Variants in GPM6A observed in about 807,000 individuals in gnomAD.
GPM6A encodes neuronal membrane glycoprotein M6-a.
GPM6A carries 7 observed loss-of-function variants against 32.1 expected under a neutral mutation model. The observed-to-expected ratio is 0.22, with a 90% CI of 0.12 to 0.41. GPM6A has a LOEUF of 0.41. Among genes scored for constraint, GPM6A ranks in the 10% least tolerant of loss-of-function variants. GPM6A has a pLI of 1.00. For synonymous variants in GPM6A, 130 were observed against 123.4 expected, an observed-to-expected ratio of 1.05 and a Z score of -0.35; for missense variants, 235 against 347.2, an observed-to-expected ratio of 0.68 and a Z score of 2.57.
intron 3 of GPM6A, among the ~76,000 whole-genome samples, chr4:175,666,894 A>G (rs1480320805): frequency 6.6e-6 from 1 of 152,196 alleles, no homozygotes; most frequent in Non-Finnish European, 1.5e-5. Flanking sequence ...TTTATTGCAA[A>G]ATTTGATTGA....
chr4:175,644,374 A>G (rs1023230144), intron 4 of GPM6A, among the ~76,000 whole-genome samples: 3 of 151,836 alleles, frequency 2.0e-5, no homozygotes, highest in African/African-American at 7.3e-5. Context: ...GCAGGCCCAT[A>G]TGGATGTACC....
Position 175,651,818 on chromosome 4 carries a change from T to C in GPM6A, c.541+16A>G. The C allele has an allele frequency of 6.2e-7, 1 of 1,604,182 alleles. No individual in the cohort carries two copies. Among genetic ancestry groups the C allele is most frequent in the Non-Finnish European group, 8.5e-7 (1 of 1,172,914 alleles). On this transcript the variant is annotated intron_variant, in intron 4 of 6. Coordinates refer to ENST00000393658, the MANE Select transcript of GPM6A (RefSeq NM_201591.3). ...GGGATGGTGTTTTACAGTTTAGAGATCCAATATCCACTTACCAAACTGACG... is the reference window on the plus strand; with the variant it reads ...GGGATGGTGTTTTACAGTTTAGAGACCCAATATCCACTTACCAAACTGACG...
intron 1 of GPM6A, among the ~76,000 whole-genome samples, chr4:175,778,627 C>CAAAAAAAAAAAAA (rs34286041): frequency 2.8e-4 from 21 of 75,204 alleles, no homozygotes; most frequent in Non-Finnish European, 3.6e-4. Context: ...CTGTATCCAA[C>CAAAAAAAAAAAAA]AAAAAAAAAA....
chr4:175,711,881 G>C (rs1745574745), intron 1 of GPM6A, among the ~76,000 whole-genome samples: 2 of 152,000 alleles, frequency 1.3e-5, no homozygotes, highest in Admixed American at 1.3e-4. Context: ...ATATGTGTCT[G>C]CAAGCCTAAT....
chr4:175,730,901 G>A (rs1214602424), intron 1 of GPM6A, among the ~76,000 whole-genome samples: 1 of 151,988 alleles, frequency 6.6e-6, no homozygotes, highest in African/African-American at 2.4e-5. Flanking sequence ...GCTTTAACTT[G>A]GGTCAAAAGA....
intron 1 of GPM6A, among the ~76,000 whole-genome samples, chr4:175,919,876 A>T (rs924893561): frequency 6.6e-6 from 1 of 152,158 alleles, no homozygotes; most frequent in African/African-American, 2.4e-5. Context: ...TAGCCCCCCA[A>T]ATTTCCTCAT....
chr4:175,674,292 C>G (rs1003851418), intron 2 of GPM6A, among the ~76,000 whole-genome samples: 9 of 152,148 alleles, frequency 5.9e-5, no homozygotes, highest in African/African-American at 1.9e-4. Context: ...ATTCTCCTGC[C>G]TCAGCCTCCC....
intron 1 of GPM6A, among the ~76,000 whole-genome samples, chr4:175,778,122 A>AAC (rs1475123512): frequency 1.3e-5 from 2 of 152,158 alleles, no homozygotes; most frequent in African/African-American, 4.8e-5. Flanking sequence ...ACCAGAGTAG[A>AAC]ACTTGAAGAC....
chr4:175,812,846 T>A, upstream of GPM6A: 3 of 985,350 alleles, frequency 3.0e-6, no homozygotes, highest in Non-Finnish European at 3.6e-6. Flanking sequence ...TCCTTTTCTC[T>A]CCTCACTAAG....
intron 1 of GPM6A, chr4:175,805,863 C>T (rs185404505): frequency 1.7e-4 from 26 of 152,170 alleles, no homozygotes; most frequent in Admixed American, 1.2e-3. Context: ...GTTATATTTC[C>T]CACTCACAAT....
chr4:175,689,349 T>G (rs1744165541), intron 2 of GPM6A, among the ~76,000 whole-genome samples: 1 of 152,250 alleles, frequency 6.6e-6, no homozygotes, highest in South Asian at 2.1e-4. Flanking sequence ...ATGGGAAGTC[T>G]TTCCATCTAT....
chr4:175,656,436 T>G (rs1742089083), intron 3 of GPM6A, among the ~76,000 whole-genome samples: 1 of 152,256 alleles, frequency 6.6e-6, no homozygotes, highest in East Asian at 1.9e-4. Flanking sequence ...TGTTAGCATT[T>G]GATTCAACAA....
chr4:175,764,323 C>G (rs763520583), intron 1 of GPM6A, among the ~76,000 whole-genome samples: 4 of 152,104 alleles, frequency 2.6e-5, no homozygotes, highest in Non-Finnish European at 4.4e-5. Context: ...AAGATTTATC[C>G]ATGTTGTAGC....
intron 1 of GPM6A, among the ~76,000 whole-genome samples, chr4:175,934,210 T>A (rs564057430): frequency 6.6e-6 from 1 of 152,222 alleles, no homozygotes; most frequent in East Asian, 1.9e-4. Flanking sequence ...TTGCATTCCA[T>A]TGTGGGTAAA....
chr4:175,827,967 T>A (rs1293187890), intron 1 of GPM6A, among the ~76,000 whole-genome samples: 1 of 152,316 alleles, frequency 6.6e-6, no homozygotes, highest in Middle Eastern at 3.4e-3. Flanking sequence ...AGGCCTCAGA[T>A]CATGAAATAT....
chr4:175,679,759 T>C (rs1284438829), intron 2 of GPM6A, among the ~76,000 whole-genome samples: 2 of 152,192 alleles, frequency 1.3e-5, no homozygotes. Context: ...TTAAATGCCA[T>C]TACAATAGCT....
At chr4:175,942,561 T>G (rs1331383061) in intron 1 of GPM6A, among the ~76,000 whole-genome samples, 1 of 152,194 alleles carries the variant, frequency 6.6e-6, no homozygotes, top group Non-Finnish European at 1.5e-5. Context: ...GTATAAGGTG[T>G]AAGGAAGGGG....
intron 1 of GPM6A, chr4:175,795,990 G>C (rs1734212814): frequency 6.6e-6 from 1 of 152,172 alleles, no homozygotes; most frequent in African/African-American, 2.4e-5. Flanking sequence ...GACTGCAGCT[G>C]TAACTAACAG....
chr4:176,002,161 G>C, intron 1 of GPM6A: 1 of 888,940 alleles, frequency 1.1e-6, no homozygotes, highest in South Asian at 1.4e-5. Flanking sequence ...GGAGACAAGA[G>C]GGCGGGGGGC....
Sources: gnomAD v4.1 joint callset for allele counts (sites outside exome capture counted in the v4.1 genomes callset) on GRCh38, gnomAD v4.1.1 for gene constraint, MANE v1.5 for transcripts, NCBI Gene and HGNC (gene_info 2026-07-23, HGNC 2026-07-21) for gene names.